The following GSE1 variants were observed in gnomAD, a reference collection of about 807,000 sequenced individuals.
GSE1 encodes Gse1 coiled-coil protein, also known as genetic suppressor element 1.
GSE1 carries 32 observed loss-of-function variants against 112.6 expected under a neutral mutation model. The observed-to-expected ratio is 0.28, with a 90% CI of 0.21 to 0.38. GSE1 has a LOEUF of 0.38. Ranked by LOEUF, GSE1 falls within the 10% of genes least tolerant of loss-of-function variation. The probability of loss-of-function intolerance (pLI) is 1.00; values close to 1 mark genes in which losing one functional copy is unlikely to be tolerated. For missense variants in GSE1, 2,348 were observed against 1,699.2 expected, an observed-to-expected ratio of 1.38 and a Z score of -6.71; for synonymous variants, 1,115 against 735.6, an observed-to-expected ratio of 1.52 and a Z score of -8.35.
chr16:85,632,716 C>G (rs1282701888), intron 1 of GSE1, among the ~76,000 whole-genome samples: 1 of 151,732 alleles, frequency 6.6e-6, no homozygotes, highest in Non-Finnish European at 1.5e-5. Flanking sequence ...CAGTCCGCCC[C>G]TCTTGTGTGT....
chr16:85,201,201 TA>T (rs1345156951), intron 1 of GSE1, among the ~76,000 whole-genome samples: 4 of 152,096 alleles, frequency 2.6e-5, no homozygotes, highest in Non-Finnish European at 5.9e-5. Context: ...GCCTCCTGAG[TA>T]GCTGAGGCCA....
At chr16:85,422,718 A>G (rs1349357239) in intron 2 of GSE1, among the ~76,000 whole-genome samples, 6 of 152,194 alleles carry the variant, frequency 3.9e-5, no homozygotes, top group Middle Eastern at 3.4e-3. Flanking sequence ...CAGGTGCAGA[A>G]GCCGCTTGGG....
chr16:85,536,429 A>G (rs2044328865), intron 2 of GSE1, among the ~76,000 whole-genome samples: 1 of 152,188 alleles, frequency 6.6e-6, no homozygotes, highest in East Asian at 1.9e-4. Context: ...CCCAGGGAGG[A>G]GGAGGGTCTC....
chr16:85,497,579 C>T (rs994918933), intron 2 of GSE1, among the ~76,000 whole-genome samples: 1 of 152,212 alleles, frequency 6.6e-6, no homozygotes. Context: ...ACTGCCATCT[C>T]ACAGCAAACT....
chr16:85,491,699 G>A (rs1308755050), intron 2 of GSE1, among the ~76,000 whole-genome samples: 1 of 151,904 alleles, frequency 6.6e-6, no homozygotes, highest in Non-Finnish European at 1.5e-5. Context: ...CTCCTTTCAG[G>A]AAGGGGCAGC....
intron 2 of GSE1, among the ~76,000 whole-genome samples, chr16:85,423,878 T>G (rs1168090624): frequency 6.6e-6 from 1 of 152,200 alleles, no homozygotes; most frequent in Admixed American, 6.5e-5. Context: ...GTGGGACATC[T>G]TCGGGGAAGA....
At chr16:85,571,456 A>C (rs1304911390) in intron 1 of GSE1, among the ~76,000 whole-genome samples, 1 of 152,234 alleles carries the variant, frequency 6.6e-6, no homozygotes, top group African/African-American at 2.4e-5. Context: ...GCAGATAGAG[A>C]GCATTTCCAT....
intron 2 of GSE1, among the ~76,000 whole-genome samples, chr16:85,472,634 G>T (rs894408474): frequency 1.3e-5 from 2 of 152,228 alleles, no homozygotes; most frequent in African/African-American, 4.8e-5. Context: ...GTTCAGCAGC[G>T]GCTCAGGACC....
At chr16:85,403,103 C>T (rs985803651) in intron 2 of GSE1, among the ~76,000 whole-genome samples, 6 of 151,218 alleles carry the variant, frequency 4.0e-5, no homozygotes, top group African/African-American at 1.5e-4. Flanking sequence ...GGGGGGGACT[C>T]AGTTCCTCTG....
At chr16:85,392,676 G>T (rs954529657) in intron 2 of GSE1, among the ~76,000 whole-genome samples, 3 of 152,208 alleles carry the variant, frequency 2.0e-5, no homozygotes, top group African/African-American at 7.2e-5. Flanking sequence ...CTATTTGGGG[G>T]TAGGTTCTCC....
chr16:85,199,006 G>A (rs1426378899), intron 1 of GSE1, among the ~76,000 whole-genome samples: 4 of 151,742 alleles, frequency 2.6e-5, no homozygotes, highest in Non-Finnish European at 5.9e-5. Flanking sequence ...GTGCAGTGGC[G>A]TGATCTTGGT....
chr16:85,236,778 ACTC>A (rs1305529351), intron 1 of GSE1, among the ~76,000 whole-genome samples: 10 of 151,704 alleles, frequency 6.6e-5, no homozygotes, highest in African/African-American at 2.4e-4. Context: ...TGAGGGAACA[ACTC>A]CTGCTGCCTG....
At chr16:85,666,501 C>A (rs114005000) in intron 13 of GSE1, 154 bp downstream of exon 13, 1 of 714,840 alleles carries the variant, frequency 1.4e-6, no homozygotes, top group South Asian at 1.9e-5. Context: ...TATGCCAAAA[C>A]CATGTTTGTT....
intron 3 of GSE1, among the ~76,000 whole-genome samples, chr16:85,651,552 C>T (rs1221314217): frequency 3.3e-5 from 5 of 152,054 alleles, no homozygotes; most frequent in African/African-American, 4.8e-5. Flanking sequence ...TGTGGCGGGG[C>T]GGCTGGGGCC....
At chr16:85,510,824 C>G (rs987504646) in intron 2 of GSE1, among the ~76,000 whole-genome samples, 3 of 152,234 alleles carry the variant, frequency 2.0e-5, no homozygotes, top group Middle Eastern at 6.3e-3. Context: ...ATGGCTCCAG[C>G]CTCAGGGCCT....
chr16:85,504,546 G>C (rs2051474649), intron 2 of GSE1, among the ~76,000 whole-genome samples: 1 of 152,228 alleles, frequency 6.6e-6, no homozygotes, highest in Non-Finnish European at 1.5e-5. Context: ...AGTCTTTGGG[G>C]TCTGGGCTCA....
intron 1 of GSE1, among the ~76,000 whole-genome samples, chr16:85,345,222 A>G (rs117592845): frequency 0.023 from 3,535 of 152,362 alleles, 61 homozygotes; most frequent in Non-Finnish European, 0.033. Context: ...AACAAAACCC[A>G]AAGGAAGAAC....
At chr16:85,426,217 G>A (rs528104576) in intron 2 of GSE1, among the ~76,000 whole-genome samples, 36 of 150,646 alleles carry the variant, frequency 2.4e-4, no homozygotes, top group African/African-American at 8.3e-4. Context: ...ATGGATGGAT[G>A]GATGGTAGAT....
chr16:85,503,462 G>T (rs2051436800), intron 2 of GSE1, among the ~76,000 whole-genome samples: 1 of 152,142 alleles, frequency 6.6e-6, no homozygotes, highest in South Asian at 2.1e-4. Flanking sequence ...GGGGCCTCTT[G>T]CTCTGAGCCA....
Sources: allele counts gnomAD v4.1 joint callset (sites outside exome capture counted in the v4.1 genomes callset), GRCh38; gene constraint gnomAD v4.1.1; transcripts MANE v1.5; gene names NCBI Gene and HGNC (gene_info 2026-07-23, HGNC 2026-07-21).